Variants in CREBBP observed in about 807,000 individuals in gnomAD.
CREBBP encodes the protein CREB-binding protein.
In CREBBP, 19 loss-of-function variants were observed where a neutral mutation model predicts 265.0. The observed-to-expected ratio is 0.07, with a 90% CI of 0.05 to 0.11. CREBBP has a LOEUF of 0.11. Ranked by LOEUF, CREBBP falls within the 10% of genes least tolerant of loss-of-function variation. The pLI, the probability that CREBBP is intolerant of heterozygous loss-of-function variation, is 1.00. For synonymous variants in CREBBP, 1,457 were observed against 1,223.7 expected, an observed-to-expected ratio of 1.19 and a Z score of -3.98; for missense variants, 2,525 against 3,219.0, an observed-to-expected ratio of 0.78 and a Z score of 5.22.
chr16:3,806,697 C>T (rs2053837428), intron 3 of CREBBP, among the ~76,000 whole-genome samples: 1 of 152,160 alleles, frequency 6.6e-6, no homozygotes, highest in Admixed American at 6.5e-5. Flanking sequence ...TTCTCCTCCT[C>T]ACTCAGCTAA....
chr16:3,733,117 C>T (rs2051960319), intron 28 of CREBBP, among the ~76,000 whole-genome samples: 1 of 151,992 alleles, frequency 6.6e-6, no homozygotes, highest in Admixed American at 6.5e-5. Flanking sequence ...AATCCCAGCA[C>T]TTTGGAAGGC....
At chr16:3,823,550 G>C (rs375370420) in intron 2 of CREBBP, among the ~76,000 whole-genome samples, 1 of 152,124 alleles carries the variant, frequency 6.6e-6, no homozygotes, top group East Asian at 1.9e-4. Flanking sequence ...AAACAAGGTC[G>C]ACACCTACTC....
intron 2 of CREBBP, among the ~76,000 whole-genome samples, chr16:3,836,387 T>C (rs547958509): frequency 3.2e-4 from 48 of 149,904 alleles, no homozygotes; most frequent in African/African-American, 9.4e-4. Flanking sequence ...TGAGCCGAGA[T>C]TGCGCCAGTA....
chr16:3,865,404 G>T (rs2055157470), intron 1 of CREBBP, among the ~76,000 whole-genome samples: 1 of 152,112 alleles, frequency 6.6e-6, no homozygotes, highest in Non-Finnish European at 1.5e-5. Flanking sequence ...GACAATAAAC[G>T]TATGCAGCTG....
chr16:3,736,104 T>C lies in CREBBP; in HGVS notation c.4660A>G (p.Lys1554Glu). ...TCCTCTTCTTCTTGTTCTAGTTCCT[T>C]AATGCTCTCTTCTAACACATTGGGC... The part of the protein sequence containing the change: ...FWPNVLEESI[K>E]ELEQEEEERK... Residue 1554 changes from lysine to glutamate, a missense_variant, in exon 28 of 31, where the codon AAG becomes GAG. This residue lies in a region of CREBBP where 93 missense variants were observed against 161.5 expected (regional missense o/e 0.58). Transcript: ENST00000262367. The C allele has an allele frequency of 6.2e-7, 1 of 1,614,230 alleles. No homozygotes were observed. The highest frequency in any genetic ancestry group is 8.5e-7 in the Non-Finnish European group (1 of 1,180,030).
intron 2 of CREBBP, among the ~76,000 whole-genome samples, chr16:3,836,251 T>C (rs1195987348): frequency 6.6e-6 from 1 of 151,402 alleles, no homozygotes; most frequent in Admixed American, 6.6e-5. Flanking sequence ...CTGGCCAACA[T>C]GGTGAAACCC....
chr16:3,753,161 T>C (rs763514850), intron 19 of CREBBP, among the ~76,000 whole-genome samples: 11 of 152,178 alleles, frequency 7.2e-5, no homozygotes, highest in Non-Finnish European at 1.2e-4. Context: ...AAGTGCAGAA[T>C]GGGACGCGGC....
intron 11 of CREBBP, among the ~76,000 whole-genome samples, chr16:3,776,170 G>T (rs991296718): frequency 6.6e-6 from 1 of 151,450 alleles, no homozygotes; most frequent in African/African-American, 2.4e-5. Flanking sequence ...CTCCTGCTTC[G>T]GCCTCCCAAA....
intron 2 of CREBBP, among the ~76,000 whole-genome samples, chr16:3,844,147 CAAAAAAAAAAAA>C (rs545907683): frequency 2.5e-4 from 5 of 19,714 alleles, no homozygotes; most frequent in African/African-American, 5.9e-4. Flanking sequence ...GACTCCGTCT[CAAAAAAAAAAAA>C]AAAAAAAAAA....
intron 16 of CREBBP, among the ~76,000 whole-genome samples, chr16:3,760,090 T>G (rs1479962786): frequency 6.6e-6 from 1 of 152,176 alleles, no homozygotes; most frequent in Non-Finnish European, 1.5e-5. Flanking sequence ...TCTTTAATTT[T>G]TAATTAAATT....
intron 30 of CREBBP, among the ~76,000 whole-genome samples, chr16:3,730,182 A>C (rs1176425129): frequency 1.3e-5 from 2 of 152,156 alleles, no homozygotes; most frequent in Admixed American, 1.3e-4. Flanking sequence ...AGGCTCAAAG[A>C]TAACCTGACC....
chr16:3,736,349 C>A (rs142462614), intron 27 of CREBBP, 146 bp from the exon 28 acceptor site: 5 of 886,788 alleles, frequency 5.6e-6, no homozygotes, highest in Non-Finnish European at 9.0e-6. Flanking sequence ...GTGCAGCAGA[C>A]CCCCACACAT....
rs184072951 is a variant in CREBBP, at chr16:3,782,736, C to T, written c.1521G>A (p.Gln507=). 1.6e-5 allele frequency: 26 copies of T among 1,614,174 alleles called. No homozygotes were observed. The African/African-American group carries it at 3.2e-4, about 20-fold the overall frequency. The part of the protein sequence containing the change: ...QTQLQPQVPG[Q]QPAQPQTHQQ... The stretch of plus-strand genomic sequence containing the variant: ...GGTGGGTTTGAGGCTGTGCTGGTTG[C>T]TGGCCAGGAACCTGAGGCTGCAGCT... Residue 507 remains glutamine, a synonymous_variant, in exon 6 of 31, where the codon CAG becomes CAA. Coordinates refer to ENST00000262367, the MANE Select transcript of CREBBP (RefSeq NM_004380.3).
intron 2 of CREBBP, among the ~76,000 whole-genome samples, chr16:3,835,659 A>C (rs2054432340): frequency 6.9e-6 from 1 of 144,166 alleles, no homozygotes; most frequent in South Asian, 2.2e-4. Context: ...GGGTCACTGC[A>C]AGCTCCGCCT....
rs147795744 is a variant in CREBBP, at chr16:3,769,331, A to G, written c.2903T>C (p.Ile968Thr). The change falls in exon 15 of 31, where the codon ATT becomes ACT. Residue 968 changes from isoleucine to threonine, a missense_variant. Coordinates refer to ENST00000262367, the MANE Select transcript of CREBBP (RefSeq NM_004380.3). ...GGAGGGGGTAGGGACTCTGTTATCA[A>G]TGCTGGCTGCTGCCTGGGAAAGCTG... Reference protein sequence around the residue: ...GTPLSQAAASIDNRVPTPSSV... With the variant: ...GTPLSQAAASTDNRVPTPSSV... 1 of 1,614,218 alleles carries G rather than the reference A, an allele frequency of 6.2e-7. No individual in the cohort carries two copies. The highest frequency in any genetic ancestry group is 1.3e-5 in the African/African-American group (1 of 75,062).
At chr16:3,830,177 G>A (rs1432019626) in intron 2 of CREBBP, among the ~76,000 whole-genome samples, 11 of 152,020 alleles carry the variant, frequency 7.2e-5, no homozygotes, top group Non-Finnish European at 1.5e-4. Flanking sequence ...TGGGCAGATC[G>A]CTTGAGCTCA....
chr16:3,731,096 A>T lies in CREBBP; in HGVS notation c.5172+96T>A. 1 of 1,279,946 alleles carries T rather than the reference A, an allele frequency of 7.8e-7. No homozygotes were observed. Among genetic ancestry groups the T allele is most frequent in the Non-Finnish European group, 1.1e-6 (1 of 903,564 alleles). The allele number at this position is 1,279,946 out of a possible 1,614,324, so 79.3% of individuals were successfully genotyped here. The stretch of plus-strand genomic sequence containing the variant: ...TGGAGGAGTCAGTGCAGCCACCATC[A>T]GGTACAGACACCAACCCGGGCACCC... On this transcript the variant is annotated intron_variant, in intron 30 of 30. Transcript: ENST00000262367. This position sits in a 1 kb window ranked among gnomAD's most constrained non-coding sequence, Gnocchi z 7.7.
chr16:3,857,107 C>T (rs1004324382), intron 1 of CREBBP, among the ~76,000 whole-genome samples: 3 of 152,172 alleles, frequency 2.0e-5, no homozygotes, highest in African/African-American at 7.2e-5. Context: ...CATCATCCTG[C>T]CACTCTCAGA....
Position 3,879,962 on chromosome 16 carries a change from G to A in CREBBP, c.-46C>T, listed in dbSNP as rs2141617150. ...AGCCCCGGGCACGGGCGGCCGGGCC[G>A]GCGAGGGCCCGGACGGGGGTCGGGG... On this transcript the variant is annotated 5_prime_UTR_variant, in exon 1 of 31. Coordinates refer to ENST00000262367, the MANE Select transcript of CREBBP (RefSeq NM_004380.3). 1.9e-6 allele frequency: 3 copies of A among 1,571,466 alleles called. No individual in the cohort carries two copies. Among genetic ancestry groups the A allele is most frequent in the South Asian group, 1.1e-5 (1 of 87,406 alleles).
Sources: gnomAD v4.1 joint callset for allele counts (sites outside exome capture counted in the v4.1 genomes callset) on GRCh38, gnomAD v4.1.1 for gene constraint, gnomAD v4.1.1 regional missense constraint, Gnocchi (gnomAD v3.1) non-coding constraint, MANE v1.5 for transcripts, NCBI Gene and HGNC (gene_info 2026-07-23, HGNC 2026-07-21) for gene names.